Variants in FCHO2 observed in about 807,000 individuals in gnomAD.
FCHO2 encodes the protein FCH and mu domain containing endocytic adaptor 2, also known as F-BAR domain only protein 2.
Under a neutral mutation model 114.1 loss-of-function variants are expected in FCHO2, and 43 were observed. That is an observed-to-expected ratio of 0.38 (90% CI 0.30 to 0.49). The LOEUF (loss-of-function observed/expected upper bound fraction) is 0.49, where lower values mean the gene tolerates loss of function less well. Ranked by LOEUF, FCHO2 falls within the 20% of genes least tolerant of loss-of-function variation. The probability of loss-of-function intolerance (pLI) is 0.97; values close to 1 mark genes in which losing one functional copy is unlikely to be tolerated. For missense variants in FCHO2, 807 were observed against 950.4 expected (o/e 0.85, Z 1.98); for synonymous variants, 293 against 315.2 (o/e 0.93, Z 0.75).
At chr5:72,972,145 C>A (rs1440707125) in intron 2 of FCHO2, among the ~76,000 whole-genome samples, 2 of 151,886 alleles carry the variant, frequency 1.3e-5, no homozygotes. Flanking sequence ...GATGCCTCCA[C>A]CTTTGTTCTT....
chr5:73,017,651 T>A (rs1755377399), intron 8 of FCHO2, among the ~76,000 whole-genome samples: 1 of 152,204 alleles, frequency 6.6e-6, no homozygotes, highest in Non-Finnish European at 1.5e-5. Flanking sequence ...TAGAGTCACC[T>A]ACAGAAGGCT....
At chr5:72,975,165 T>G (rs1324540310) in intron 2 of FCHO2, among the ~76,000 whole-genome samples, 2 of 152,182 alleles carry the variant, frequency 1.3e-5, no homozygotes, top group Non-Finnish European at 2.9e-5. Context: ...ATTTATAAAA[T>G]TTGGTAATTA....
chr5:73,008,776 CT>C (rs931595388), intron 6 of FCHO2, among the ~76,000 whole-genome samples: 29 of 152,114 alleles, frequency 1.9e-4, no homozygotes, highest in African/African-American at 7.0e-4. Flanking sequence ...GTATATTTTC[CT>C]TTAGAAATAT....
chr5:73,000,175 A>G (rs926159057), intron 5 of FCHO2, among the ~76,000 whole-genome samples: 6 of 152,092 alleles, frequency 3.9e-5, no homozygotes, highest in Non-Finnish European at 5.9e-5. Flanking sequence ...CAGCCAATAA[A>G]AAAAAAAATT....
chr5:73,025,143 A>G (rs948340146), intron 8 of FCHO2, among the ~76,000 whole-genome samples: 13 of 152,052 alleles, frequency 8.5e-5, no homozygotes, highest in African/African-American at 2.9e-4. Flanking sequence ...GAAGGGATAA[A>G]TATTATTTCC....
chr5:73,087,180 C>G (rs943570881), intron 24 of FCHO2, among the ~76,000 whole-genome samples: 1 of 152,184 alleles, frequency 6.6e-6, no homozygotes, highest in South Asian at 2.1e-4. Flanking sequence ...TTATACAACT[C>G]TTCCCAACCG....
chr5:73,074,651 T>G, intron 19 of FCHO2, 91 bp from the exon 20 acceptor site: 28 of 1,187,438 alleles, frequency 2.4e-5, no homozygotes, highest in East Asian at 5.2e-5. Flanking sequence ...GTAGGGTCGT[T>G]TGTGACAGCC....
chr5:73,063,815 C>T, intron 17 of FCHO2, 26 bp from the exon 18 acceptor site: 1 of 1,590,510 alleles, frequency 6.3e-7, no homozygotes, highest in Non-Finnish European at 8.6e-7. Flanking sequence ...TGATTTTCTT[C>T]AAATTCTCTT....
chr5:73,046,354 A>T (rs1001798664), intron 11 of FCHO2, among the ~76,000 whole-genome samples: 1 of 152,128 alleles, frequency 6.6e-6, no homozygotes, highest in Non-Finnish European at 1.5e-5. Flanking sequence ...GGCCTGAGCC[A>T]CCGTGCCTGG....
intron 8 of FCHO2, chr5:73,020,946 G>T (rs779917768): frequency 3.5e-5 from 56 of 1,592,040 alleles, no homozygotes; most frequent in Non-Finnish European, 4.8e-5. Flanking sequence ...ACTGCAGTTT[G>T]TTGCTTCGGC....
At position 73,061,090 on chromosome 5, in the gene FCHO2, C is replaced by T. The variant is rs573274257; in HGVS notation, c.1345+2566C>T. ...TATTAACTCGAACCCTGATGTAGTC[C>T]GATGTACTTCCTGGGGGCAGTTTTA... On this transcript the variant is annotated intron_variant, in intron 17 of 25. Coordinates refer to ENST00000430046, the MANE Select transcript of FCHO2 (RefSeq NM_138782.3). 2.2e-3 allele frequency among the ~76,000 whole-genome samples: 341 copies of T among 151,692 alleles called. 2 individuals are homozygous for T. The highest frequency in any genetic ancestry group is 3.5e-3 in the Non-Finnish European group (238 of 67,868).
rs749873564 is a variant in FCHO2 at position 73,088,081 on chromosome 5, G to A, written c.2424G>A (p.Ala808=). The part of the protein sequence containing the change: ...KKRFATGRYL[A]DC ...GGCGTTTTTCAGGACGATACCTGGC[G>A]GATTGTTGATGGACCTGGGAAAGTG... Residue 808 remains alanine (A), a synonymous_variant, in exon 26 of 26, where the codon GCG becomes GCA. Transcript: ENST00000430046. 170 of 1,613,346 alleles carry A rather than the reference G, an allele frequency of 1.1e-4. No individual in the cohort carries two copies. Among genetic ancestry groups the A allele is most frequent in the Non-Finnish European group, 1.3e-4 (151 of 1,179,722 alleles).
At chr5:73,077,075 G>A (rs773715195) in intron 20 of FCHO2, among the ~76,000 whole-genome samples, 12 of 152,088 alleles carry the variant, frequency 7.9e-5, no homozygotes, top group Non-Finnish European at 1.2e-4. Context: ...AAAAAGTGAA[G>A]GAATATTATC....
chr5:73,087,504 G>A (rs1428875877), intron 24 of FCHO2, 85 bp from the exon 25 acceptor site: 7 of 1,453,740 alleles, frequency 4.8e-6, no homozygotes, highest in Non-Finnish European at 6.6e-6. Flanking sequence ...CAGGACTGAT[G>A]TAGTTTAGCT....
chr5:73,020,044 T>C, intron 8 of FCHO2, among the ~76,000 whole-genome samples: 1 of 152,120 alleles, frequency 6.6e-6, no homozygotes, highest in East Asian at 1.9e-4. Flanking sequence ...GTCATACTTC[T>C]CAGAGAAGTG....
At chr5:73,085,777 A>AAAATAAAT (rs144379859) in intron 24 of FCHO2, among the ~76,000 whole-genome samples, 33 of 140,150 alleles carry the variant, frequency 2.4e-4, no homozygotes, top group African/African-American at 7.0e-4. Context: ...TCTGTCTCAA[A>AAAATAAAT]AAATAAATAA....
intron 8 of FCHO2, among the ~76,000 whole-genome samples, chr5:73,031,953 T>C (rs1374810197): frequency 1.3e-5 from 2 of 152,266 alleles, no homozygotes; most frequent in Non-Finnish European, 2.9e-5. Flanking sequence ...TCATTAAGAC[T>C]CTCACTCTGG....
intron 1 of FCHO2, among the ~76,000 whole-genome samples, chr5:72,961,523 T>C (rs1200392927): frequency 6.6e-6 from 1 of 152,170 alleles, no homozygotes; most frequent in Non-Finnish European, 1.5e-5. Context: ...ATTTAAAAGG[T>C]ATAAGAGGGA....
chr5:73,082,801 A>G lies in FCHO2; in HGVS notation c.2221A>G (p.Ile741Val), dbSNP rs1743162610. 1.2e-6 allele frequency: 2 copies of G among 1,606,854 alleles called. No homozygotes were observed. The highest frequency in any genetic ancestry group is 1.1e-5 in the South Asian group (1 of 89,532). The change falls in exon 24 of 26, where the codon ATT becomes GTT. Residue 741 changes from isoleucine to valine, a missense_variant. Transcript: ENST00000430046. Reference sequence around the variant, plus strand: ...GAAAGCCTTTTGGAAATTGTCTAGTATTTCAGAAAAATCAGAAAATGGAGG... The same window carrying G: ...GAAAGCCTTTTGGAAATTGTCTAGTGTTTCAGAAAAATCAGAAAATGGAGG... Reference protein sequence around the residue: ...QMKAFWKLSSISEKSENGGSG... With the variant: ...QMKAFWKLSSVSEKSENGGSG...
Sources: allele counts gnomAD v4.1 joint callset (sites outside exome capture counted in the v4.1 genomes callset), GRCh38; gene constraint gnomAD v4.1.1; transcripts MANE v1.5; gene names NCBI Gene and HGNC (gene_info 2026-07-23, HGNC 2026-07-21).